COPG2: variants seen among roughly 807,000 people sequenced by gnomAD.
COPG2 encodes the protein coat protein complex I subunit gamma 2.
In COPG2, 37 loss-of-function variants were observed where a neutral mutation model predicts 46.3. The ratio of observed to expected loss-of-function variants is 0.80; its 90% confidence interval spans 0.61 to 1.05. The LOEUF (loss-of-function observed/expected upper bound fraction) is 1.05, where lower values mean the gene tolerates loss of function less well. COPG2 is among the 50% of genes least tolerant of loss of function. The pLI is 0.00. For missense variants in COPG2, 427 were observed against 387.8 expected, an observed-to-expected ratio of 1.10 and a Z score of -0.85; for synonymous variants, 159 against 129.7, an observed-to-expected ratio of 1.23 and a Z score of -1.53.
intron 1 of COPG2, 138 bp from the exon 2 acceptor site, chr7:130,667,672 G>A (rs782523248): frequency 3.3e-5 from 18 of 545,080 alleles, no homozygotes; most frequent in East Asian, 9.2e-5. Context: ...ATACGCATAC[G>A]AACTGAATGA....
chr7:130,629,523 T>C (rs1554454846), intron 5 of COPG2, among the ~76,000 whole-genome samples: 2 of 151,558 alleles, frequency 1.3e-5, no homozygotes, highest in African/African-American at 4.9e-5. Flanking sequence ...GCCTCCCGAG[T>C]AGCTGGGACT....
At chr7:130,571,114 C>A (rs1475139605) in intron 9 of COPG2, among the ~76,000 whole-genome samples, 1 of 152,144 alleles carries the variant, frequency 6.6e-6, no homozygotes, top group African/African-American at 2.4e-5. Context: ...ACTGGAAAAA[C>A]CCTTCTACAC....
chr7:130,575,952 C>T (rs1021396972), intron 9 of COPG2, among the ~76,000 whole-genome samples: 4 of 152,136 alleles, frequency 2.6e-5, no homozygotes, highest in East Asian at 1.9e-4. Flanking sequence ...TTTAAAGCAA[C>T]AGCAGTTAAA....
At chr7:130,658,983 A>G (rs1325807787) in intron 4 of COPG2, among the ~76,000 whole-genome samples, 1 of 152,128 alleles carries the variant, frequency 6.6e-6, no homozygotes, top group African/African-American at 2.4e-5. Context: ...CCCAGCCGAC[A>G]ACCTGATTTT....
At chr7:130,517,264 G>A (rs1402516033) in intron 20 of COPG2, among the ~76,000 whole-genome samples, 5 of 152,122 alleles carry the variant, frequency 3.3e-5, no homozygotes, top group African/African-American at 1.2e-4. Context: ...AAGGACCATC[G>A]TATAAAACAG....
intron 5 of COPG2, among the ~76,000 whole-genome samples, chr7:130,623,284 G>A (rs1314326037): frequency 6.6e-6 from 1 of 152,146 alleles, no homozygotes; most frequent in Non-Finnish European, 1.5e-5. Flanking sequence ...GGGTACAGAT[G>A]GGATGCTGTC....
intron 20 of COPG2, chr7:130,511,345 G>C (rs1554440978): frequency 3.9e-6 from 2 of 507,474 alleles, no homozygotes; most frequent in East Asian, 5.5e-5. Flanking sequence ...AACTGCAGCA[G>C]TCTATGCAGG....
intron 11 of COPG2, among the ~76,000 whole-genome samples, chr7:130,562,941 G>C (rs1490520683): frequency 6.6e-6 from 1 of 152,188 alleles, no homozygotes; most frequent in Admixed American, 6.5e-5. Context: ...GTGGCTGTGA[G>C]TACAAGAAGT....
At chr7:130,569,465 G>C (rs1793858030) in intron 9 of COPG2, among the ~76,000 whole-genome samples, 1 of 152,020 alleles carries the variant, frequency 6.6e-6, no homozygotes. Context: ...AGAGGTGATG[G>C]ATAAATTCCT....
chr7:130,514,319 T>C (rs1416033720), intron 20 of COPG2, among the ~76,000 whole-genome samples: 2 of 152,244 alleles, frequency 1.3e-5, no homozygotes, highest in African/African-American at 2.4e-5. Context: ...CTGGAGATCA[T>C]GTTGGAAACC....
At chr7:130,627,445 T>C (rs1795138639) in intron 5 of COPG2, among the ~76,000 whole-genome samples, 1 of 152,164 alleles carries the variant, frequency 6.6e-6, no homozygotes, top group African/African-American at 2.4e-5. Context: ...CAAAGCCCTC[T>C]TCAGCACAGC....
At chr7:130,634,442 T>C in intron 5 of COPG2, among the ~76,000 whole-genome samples, 1 of 152,200 alleles carries the variant, frequency 6.6e-6, no homozygotes, top group East Asian at 1.9e-4. Flanking sequence ...TTCCCATCCC[T>C]TATAAGTTGA....
chr7:130,616,919 C>T (rs1232071536), intron 6 of COPG2, 71 bp downstream of exon 6: 5 of 952,040 alleles, frequency 5.3e-6, no homozygotes, highest in Non-Finnish European at 8.1e-6. Flanking sequence ...GGAAATCCTA[C>T]TAAATCTACA....
At chr7:130,550,128 C>T (rs1428547158) in intron 17 of COPG2, among the ~76,000 whole-genome samples, 3 of 152,094 alleles carry the variant, frequency 2.0e-5, no homozygotes, top group Non-Finnish European at 4.4e-5. Context: ...GGGTGACAAT[C>T]GGCTGAGCAC....
intron 3 of COPG2, among the ~76,000 whole-genome samples, chr7:130,665,261 C>A (rs1429831347): frequency 6.6e-6 from 1 of 152,252 alleles, no homozygotes; most frequent in African/African-American, 2.4e-5. Context: ...TGAGTGAGGT[C>A]TTCAGTCACA....
intron 9 of COPG2, among the ~76,000 whole-genome samples, chr7:130,602,241 T>G (rs536170293): frequency 6.6e-6 from 1 of 152,192 alleles, no homozygotes; most frequent in Non-Finnish European, 1.5e-5. Flanking sequence ...ATTTGAAGGC[T>G]TTACCTCAAT....
intron 5 of COPG2, among the ~76,000 whole-genome samples, chr7:130,650,293 G>A (rs540219723): frequency 6.6e-6 from 1 of 152,232 alleles, no homozygotes; most frequent in Non-Finnish European, 1.5e-5. Context: ...CATATTCACA[G>A]GTCCTAGGAA....
chr7:130,667,406 G>T, intron 2 of COPG2, 76 bp downstream of exon 2: 2 of 1,183,706 alleles, frequency 1.7e-6, no homozygotes, highest in Non-Finnish European at 2.5e-6. Context: ...CGTGATCACA[G>T]CAGCCCAGGG....
intron 20 of COPG2, chr7:130,511,023 A>G (rs1584958663): frequency 1.9e-6 from 1 of 517,270 alleles, no homozygotes. Context: ...ACTGAAAATG[A>G]GAGTCAACCA....
Sources: gnomAD v4.1 joint callset for allele counts (sites outside exome capture counted in the v4.1 genomes callset) on GRCh38, gnomAD v4.1.1 for gene constraint, MANE v1.5 for transcripts, NCBI Gene and HGNC (gene_info 2026-07-23, HGNC 2026-07-21) for gene names.